ENTHD1: variants seen among roughly 807,000 people sequenced by gnomAD.
The protein encoded by ENTHD1 is ENTH domain-containing protein 1.
A neutral mutation model predicts 39.1 loss-of-function variants in ENTHD1; 23 were observed. The ratio of observed to expected loss-of-function variants is 0.59; its 90% CI spans 0.42 to 0.83. The LOEUF (loss-of-function observed/expected upper bound fraction) is 0.83. Among genes scored for constraint, ENTHD1 ranks in the 40% least tolerant of loss-of-function variants. The probability of loss-of-function intolerance (pLI) is 0.00; values close to 1 mark genes in which losing one functional copy is unlikely to be tolerated. For synonymous variants in ENTHD1, 230 were observed against 258.2 expected, an observed-to-expected ratio of 0.89 and a Z score of 1.05; for missense variants, 624 against 705.4, an observed-to-expected ratio of 0.88 and a Z score of 1.31.
chr22:39,858,585 T>C (rs934294639), intron 3 of ENTHD1, among the ~76,000 whole-genome samples: 6 of 152,218 alleles, frequency 3.9e-5, no homozygotes, highest in African/African-American at 7.2e-5. Flanking sequence ...ATGGAAGATA[T>C]AGCTTTATGA....
chr22:39,766,383 C>A (rs1601579849), intron 5 of ENTHD1, among the ~76,000 whole-genome samples: 1 of 152,148 alleles, frequency 6.6e-6, no homozygotes, highest in African/African-American at 2.4e-5. Context: ...TGGGCCTGAT[C>A]CAGGAATGTC....
chr22:39,886,903 T>C (rs879856633), intron 2 of ENTHD1, among the ~76,000 whole-genome samples: 8 of 152,246 alleles, frequency 5.3e-5, no homozygotes, highest in Non-Finnish European at 7.3e-5. Flanking sequence ...AGTTTAATTA[T>C]AATTATAAAT....
chr22:39,776,980 G>A (rs960052520), intron 5 of ENTHD1, among the ~76,000 whole-genome samples: 2 of 152,152 alleles, frequency 1.3e-5, no homozygotes, highest in Non-Finnish European at 2.9e-5. Context: ...CAGAGTTATT[G>A]CTATGATCTT....
intron 4 of ENTHD1, among the ~76,000 whole-genome samples, chr22:39,823,177 C>T (rs886865125): frequency 6.6e-6 from 1 of 152,128 alleles, no homozygotes; most frequent in African/African-American, 2.4e-5. Context: ...CCTAGAGATT[C>T]ATCCAAATTA....
intron 2 of ENTHD1, chr22:39,876,048 C>G: frequency 6.2e-7 from 1 of 1,613,896 alleles, no homozygotes; most frequent in Non-Finnish European, 8.5e-7. Flanking sequence ...AGATTGGGTC[C>G]TGCTACTCTC....
At chr22:39,834,177 A>G (rs1477046645) in intron 4 of ENTHD1, among the ~76,000 whole-genome samples, 1 of 152,160 alleles carries the variant, frequency 6.6e-6, no homozygotes, top group Non-Finnish European at 1.5e-5. Flanking sequence ...TGTGAAAGAT[A>G]TTGTTAAAAA....
chr22:39,836,746 T>A (rs2065910047), intron 3 of ENTHD1, among the ~76,000 whole-genome samples: 1 of 152,150 alleles, frequency 6.6e-6, no homozygotes, highest in African/African-American at 2.4e-5. Flanking sequence ...ATGGGGCAGA[T>A]TTCCCCCTTG....
chr22:39,816,433 A>G (rs1422366100), intron 5 of ENTHD1, among the ~76,000 whole-genome samples: 3 of 152,244 alleles, frequency 2.0e-5, no homozygotes, highest in Non-Finnish European at 4.4e-5. Context: ...GTTAAATAAA[A>G]TAGTATACAT....
intron 6 of ENTHD1, among the ~76,000 whole-genome samples, chr22:39,747,549 G>A (rs1480887951): frequency 6.6e-6 from 1 of 152,052 alleles, no homozygotes; most frequent in Non-Finnish European, 1.5e-5. Flanking sequence ...TAAATTTTGA[G>A]TATAAAATTT....
intron 6 of ENTHD1, among the ~76,000 whole-genome samples, chr22:39,754,392 C>T (rs2065169228): frequency 6.6e-6 from 1 of 152,196 alleles, no homozygotes; most frequent in African/African-American, 2.4e-5. Context: ...GCTCTCCCAG[C>T]ATCTTGCCAG....
intron 5 of ENTHD1, among the ~76,000 whole-genome samples, chr22:39,789,814 G>T (rs999338021): frequency 6.6e-6 from 1 of 152,184 alleles, no homozygotes; most frequent in Non-Finnish European, 1.5e-5. Context: ...AGGGGTATAG[G>T]GAAAGCTGGG....
At chr22:39,766,398 GA>G (rs2065277824) in intron 5 of ENTHD1, among the ~76,000 whole-genome samples, 1 of 152,166 alleles carries the variant, frequency 6.6e-6, no homozygotes, top group Admixed American at 6.5e-5. Flanking sequence ...AATGTCTATT[GA>G]ATCTACGCAT....
chr22:39,852,003 C>G (rs1028488374), intron 3 of ENTHD1, among the ~76,000 whole-genome samples: 4 of 152,058 alleles, frequency 2.6e-5, no homozygotes, highest in Non-Finnish European at 5.9e-5. Flanking sequence ...TAATTTCTCT[C>G]TAGCTATCCA....
At chr22:39,784,244 A>C (rs1354728357) in intron 5 of ENTHD1, among the ~76,000 whole-genome samples, 1 of 152,150 alleles carries the variant, frequency 6.6e-6, no homozygotes, top group Non-Finnish European at 1.5e-5. Flanking sequence ...GACGGGCAGT[A>C]ATGAGCGCTG....
chr22:39,876,186 C>T lies in ENTHD1; in HGVS notation c.349+11214G>A, dbSNP rs552189715. The T allele has an allele frequency of 5.7e-4, 831 of 1,449,210 alleles. 1 individual carries two copies. Among genetic ancestry groups the T allele is most frequent in the Non-Finnish European group, 6.8e-4 (734 of 1,082,154 alleles). 89.8% of individuals were successfully genotyped at this position (1,449,210 alleles called of 1,614,324 possible). ...TCAGGAGACTTATTTGAGAGGAAGC[C>T]TTCTGTACTTGAAGTTGATTTGAAA... On this transcript the variant is annotated intron_variant, in intron 2 of 6. Transcript: ENST00000325157.
chr22:39,759,782 T>G (rs1375362746), intron 6 of ENTHD1, among the ~76,000 whole-genome samples: 2 of 152,084 alleles, frequency 1.3e-5, no homozygotes, highest in Non-Finnish European at 2.9e-5. Context: ...TCATTATCAT[T>G]GTTTGAAATA....
chr22:39,849,806 A>C (rs2066020654), intron 3 of ENTHD1, among the ~76,000 whole-genome samples: 1 of 152,156 alleles, frequency 6.6e-6, no homozygotes, highest in Non-Finnish European at 1.5e-5. Context: ...AGTTTTCTAT[A>C]TGAAAATCCT....
At position 39,797,426 on chromosome 22, in the gene ENTHD1, A is replaced by G. The variant is rs190567824; in HGVS notation, c.832+23567T>C. Among the ~76,000 whole-genome samples the G allele has an allele frequency of 1.2e-3, 183 of 152,156 alleles. 1 individual carries two copies. Among genetic ancestry groups the G allele is most frequent in the African/African-American group, 3.9e-3 (164 of 41,522 alleles). ...GTTAATTGTTTTCTGGTTGCTTTGTATATTCTTTGTTCCTTTCTCTCATTG... is the reference window on the plus strand; with the variant it reads ...GTTAATTGTTTTCTGGTTGCTTTGTGTATTCTTTGTTCCTTTCTCTCATTG... On this transcript the variant is annotated intron_variant, in intron 5 of 6. Transcript: ENST00000325157.
chr22:39,850,291 C>T (rs192863496), intron 3 of ENTHD1, among the ~76,000 whole-genome samples: 1 of 152,250 alleles, frequency 6.6e-6, no homozygotes, highest in Non-Finnish European at 1.5e-5. Context: ...CTACATCTTC[C>T]TGGGAAATTG....
Sources: allele counts gnomAD v4.1 joint callset (sites outside exome capture counted in the v4.1 genomes callset), GRCh38; gene constraint gnomAD v4.1.1; transcripts MANE v1.5; gene names NCBI Gene and HGNC (gene_info 2026-07-23, HGNC 2026-07-21).